The following ASTN2 variants were observed in gnomAD, a reference collection of about 807,000 sequenced individuals.
ASTN2 encodes the protein astrotactin 2, also known as astrotactin-2.
A neutral mutation model predicts 139.8 loss-of-function variants in ASTN2; 54 were observed. That is an observed-to-expected ratio of 0.39 (90% CI 0.31 to 0.48). The LOEUF is 0.48. Among genes scored for constraint, ASTN2 ranks in the 20% least tolerant of loss-of-function variants. ASTN2 has a pLI of 0.95. For synonymous variants in ASTN2, 756 were observed against 719.5 expected (o/e 1.05, Z -0.81); for missense variants, 1,565 against 1,725.1 (o/e 0.91, Z 1.64).
chr9:116,911,889 C>T (rs1190381792), intron 10 of ASTN2, among the ~76,000 whole-genome samples: 3 of 151,710 alleles, frequency 2.0e-5, no homozygotes, highest in African/African-American at 7.3e-5. Context: ...GGAAACTCCA[C>T]CTCAAACAAA....
At chr9:116,822,495 C>G (rs1312400065) in intron 11 of ASTN2, among the ~76,000 whole-genome samples, 2 of 152,152 alleles carry the variant, frequency 1.3e-5, no homozygotes, top group Non-Finnish European at 2.9e-5. Context: ...GTCACAGGGT[C>G]ATTTGGAGCC....
At chr9:116,850,161 G>A (rs1387595072) in intron 11 of ASTN2, among the ~76,000 whole-genome samples, 1 of 152,140 alleles carries the variant, frequency 6.6e-6, no homozygotes, top group Non-Finnish European at 1.5e-5. Context: ...CCACAGCAAG[G>A]CCAGCAAGGC....
intron 16 of ASTN2, among the ~76,000 whole-genome samples, chr9:116,683,606 A>G (rs1860021965): frequency 6.6e-6 from 1 of 152,216 alleles, no homozygotes; most frequent in Non-Finnish European, 1.5e-5. Flanking sequence ...CTTCTCACAG[A>G]TAGCTGATGT....
intron 19 of ASTN2, among the ~76,000 whole-genome samples, chr9:116,604,753 C>T (rs1855098711): frequency 6.6e-6 from 1 of 152,208 alleles, no homozygotes; most frequent in South Asian, 2.1e-4. Context: ...TACAAATTCA[C>T]CTCCATAACT....
At chr9:116,659,360 A>T (rs1858420119) in intron 16 of ASTN2, among the ~76,000 whole-genome samples, 1 of 152,200 alleles carries the variant, frequency 6.6e-6, no homozygotes, top group Admixed American at 6.5e-5. Flanking sequence ...TGAATAAATG[A>T]ATGCATAAAT....
rs533958625 is a variant in ASTN2, at chr9:117,203,401, TGAG to T, written c.1015+10954_1015+10956del. Among the ~76,000 whole-genome samples the T allele has an allele frequency of 3.0e-3, 452 of 152,230 alleles. 3 individuals carry two copies. Among genetic ancestry groups the T allele is most frequent in the South Asian group, 0.026 (127 of 4,824 alleles). On this transcript the variant is annotated intron_variant, in intron 3 of 22. Coordinates refer to ENST00000313400, the MANE Select transcript of ASTN2 (RefSeq NM_001365068.1). Reference sequence around the variant, plus strand: ...TGATAGACAGATGTGGTGATCATGTTGAGGAGAAGAGGCGCTCTGCTCTTTTGG... The same window carrying T: ...TGATAGACAGATGTGGTGATCATGTTGAGAAGAGGCGCTCTGCTCTTTTGG...
At chr9:116,812,257 T>C (rs531361091) in intron 12 of ASTN2, among the ~76,000 whole-genome samples, 1 of 152,130 alleles carries the variant, frequency 6.6e-6, no homozygotes, top group Non-Finnish European at 1.5e-5. Flanking sequence ...TTATCTGACA[T>C]GGCAAAGGAG....
chr9:116,740,177 A>T (rs992675834), intron 13 of ASTN2, among the ~76,000 whole-genome samples: 3 of 152,240 alleles, frequency 2.0e-5, no homozygotes, highest in Non-Finnish European at 4.4e-5. Flanking sequence ...GTGTGGGCAC[A>T]TTCTAAAATG....
At chr9:116,577,876 C>T (rs552364492) in intron 19 of ASTN2, among the ~76,000 whole-genome samples, 1 of 152,032 alleles carries the variant, frequency 6.6e-6, no homozygotes, top group South Asian at 2.1e-4. Flanking sequence ...GGTAGAAGGG[C>T]ATTTCAGCAG....
At chr9:117,405,902 C>T (rs545101437) in intron 1 of ASTN2, among the ~76,000 whole-genome samples, 2 of 152,266 alleles carry the variant, frequency 1.3e-5, no homozygotes, top group East Asian at 3.9e-4. Flanking sequence ...CCTGCAATCA[C>T]CCCAAAATAA....
chr9:116,801,667 C>T (rs1016205181), intron 13 of ASTN2, among the ~76,000 whole-genome samples: 4 of 150,014 alleles, frequency 2.7e-5, no homozygotes, highest in African/African-American at 9.8e-5. Context: ...TAAATTTAGA[C>T]CCATCAGAAG....
chr9:117,244,567 AAGGAAGGGAGGGAGGGAGGG>A (rs148663723), intron 2 of ASTN2, among the ~76,000 whole-genome samples: 33,043 of 93,442 alleles, frequency 0.35, 4,509 homozygotes, highest in Non-Finnish European at 0.4. Context: ...GGAAGGAAGG[AAGGAAGGGAGGGAGGGAGGG>A]AGGGAGGGAG....
At chr9:116,917,223 T>C (rs1022111711) in intron 10 of ASTN2, among the ~76,000 whole-genome samples, 2 of 152,182 alleles carry the variant, frequency 1.3e-5, no homozygotes, top group Non-Finnish European at 2.9e-5. Context: ...ACCCTCTCCA[T>C]AGGTCCCTTG....
At chr9:116,487,552 G>A (rs764177589) in intron 19 of ASTN2, 52 bp from the exon 20 acceptor site, 1 of 1,562,920 alleles carries the variant, frequency 6.4e-7, no homozygotes, top group Non-Finnish European at 8.7e-7. Context: ...ATAGTGAGGA[G>A]ACGTTTTTGC....
At chr9:116,951,076 G>A (rs942985849) in intron 10 of ASTN2, among the ~76,000 whole-genome samples, 22 of 152,110 alleles carry the variant, frequency 1.4e-4, no homozygotes, top group Non-Finnish European at 2.8e-4. Flanking sequence ...GATGGCTCAC[G>A]CCTGTAGCCC....
At chr9:116,845,260 G>T (rs1033142016) in intron 11 of ASTN2, among the ~76,000 whole-genome samples, 3 of 152,104 alleles carry the variant, frequency 2.0e-5, no homozygotes, top group Non-Finnish European at 2.9e-5. Context: ...GACTACAGGC[G>T]CCTGCCACCA....
chr9:117,105,424 T>C (rs1347519545), intron 4 of ASTN2, among the ~76,000 whole-genome samples: 17 of 152,078 alleles, frequency 1.1e-4, no homozygotes, highest in African/African-American at 4.1e-4. Flanking sequence ...CCATCCCAGG[T>C]GGCAAAAACA....
At chr9:116,851,673 A>T (rs1306184542) in intron 11 of ASTN2, among the ~76,000 whole-genome samples, 5 of 148,330 alleles carry the variant, frequency 3.4e-5, no homozygotes, top group Non-Finnish European at 7.4e-5. Context: ...TTTCATAATT[A>T]AAAAAAAACA....
At chr9:117,384,373 C>T (rs1260168460) in intron 1 of ASTN2, among the ~76,000 whole-genome samples, 1 of 152,152 alleles carries the variant, frequency 6.6e-6, no homozygotes, top group African/African-American at 2.4e-5. Context: ...AATCACTGGT[C>T]CTTTTACAGT....
Sources: gnomAD v4.1 joint callset for allele counts (sites outside exome capture counted in the v4.1 genomes callset) on GRCh38, gnomAD v4.1.1 for gene constraint, MANE v1.5 for transcripts, NCBI Gene and HGNC (gene_info 2026-07-23, HGNC 2026-07-21) for gene names.